The following CHMP4B variants were observed in gnomAD, a reference collection of about 807,000 sequenced individuals.
CHMP4B encodes SNF7 homolog associated with Alix 1.
In CHMP4B, 1 loss-of-function variant was observed where a neutral mutation model predicts 25.1. That is an observed-to-expected ratio of 0.04 (90% confidence interval 0.01 to 0.19). The LOEUF is 0.19. Ranked by LOEUF, CHMP4B falls within the 10% of genes least tolerant of loss-of-function variation. The probability of loss-of-function intolerance (pLI) is 1.00; values close to 1 mark genes in which losing one functional copy is unlikely to be tolerated. For synonymous variants in CHMP4B, 101 were observed against 115.6 expected, an observed-to-expected ratio of 0.87 and a Z score of 0.81; for missense variants, 151 against 289.7, an observed-to-expected ratio of 0.52 and a Z score of 3.48.
At chr20:33,843,693 C>T (rs564503993) in intron 1 of CHMP4B, among the ~76,000 whole-genome samples, 2 of 152,274 alleles carry the variant, frequency 1.3e-5, no homozygotes, top group South Asian at 4.1e-4. Context: ...TAATAGTATT[C>T]AAGAAGAATG....
intron 1 of CHMP4B, among the ~76,000 whole-genome samples, chr20:33,818,223 C>T (rs917277975): frequency 2.6e-5 from 4 of 152,196 alleles, no homozygotes; most frequent in African/African-American, 9.7e-5. Flanking sequence ...CTGCCTTCTC[C>T]CCACAAGGGC....
At chr20:33,832,890 C>T (rs983988143) in intron 1 of CHMP4B, among the ~76,000 whole-genome samples, 4 of 151,158 alleles carry the variant, frequency 2.6e-5, no homozygotes, top group Non-Finnish European at 5.9e-5. Flanking sequence ...GCAATCCTCT[C>T]GCCTCAGCCT....
intron 4 of CHMP4B, among the ~76,000 whole-genome samples, 186 bp downstream of exon 4, chr20:33,852,389 C>T (rs1440443332): frequency 6.8e-6 from 1 of 148,090 alleles, no homozygotes; most frequent in Non-Finnish European, 1.5e-5. Flanking sequence ...GCCATGTCAC[C>T]TGGCTTTTTC....
At chr20:33,843,368 C>T (rs558631296) in intron 1 of CHMP4B, among the ~76,000 whole-genome samples, 1 of 152,278 alleles carries the variant, frequency 6.6e-6, no homozygotes, top group South Asian at 2.1e-4. Context: ...CTAAAAGCAA[C>T]CTCTTAAACT....
chr20:33,844,713 C>T (rs1601327353), intron 1 of CHMP4B, among the ~76,000 whole-genome samples: 1 of 151,620 alleles, frequency 6.6e-6, no homozygotes, highest in African/African-American at 2.4e-5. Flanking sequence ...GCTCCTGCTA[C>T]ACTCGGGATG....
chr20:33,836,725 C>G (rs1979402655), intron 1 of CHMP4B, among the ~76,000 whole-genome samples: 2 of 152,158 alleles, frequency 1.3e-5, no homozygotes, highest in Non-Finnish European at 2.9e-5. Flanking sequence ...ACTCTCAGCT[C>G]TATCTCATTA....
intron 2 of CHMP4B, among the ~76,000 whole-genome samples, chr20:33,850,118 A>G (rs964930817): frequency 6.6e-6 from 1 of 152,156 alleles, no homozygotes; most frequent in African/African-American, 2.4e-5. Flanking sequence ...CTTAATTTAC[A>G]TATTGTCTGT....
rs201956567 is a variant in CHMP4B at position 33,851,073 on chromosome 20, A to G, written c.483+7A>G. 2.6e-5 allele frequency: 39 copies of G among 1,514,286 alleles called. No individual in the cohort carries two copies. The highest frequency in any genetic ancestry group is 6.8e-5 in the East Asian group (3 of 44,418). The allele number at this position is 1,514,286 out of a possible 1,614,324, so 93.8% of individuals were successfully genotyped here. ...TGGAGAAGAGTTTGACGAGGTGAGT[A>G]GTTTTGTACAGATCCCATAAGCTTC... is the stretch of plus-strand genomic sequence containing the variant. On this transcript the variant is annotated splice_region_variant and intron_variant, in intron 3 of 4. Coordinates refer to ENST00000217402, the MANE Select transcript of CHMP4B (RefSeq NM_176812.5).
At chr20:33,830,336 A>AT (rs1413334735) in intron 1 of CHMP4B, among the ~76,000 whole-genome samples, 59 of 152,286 alleles carry the variant, frequency 3.9e-4, no homozygotes, top group Admixed American at 1.2e-3. Flanking sequence ...AGGCTGAAAG[A>AT]TTTTGAATGG....
chr20:33,831,313 T>G (rs557978903), intron 1 of CHMP4B, among the ~76,000 whole-genome samples: 182 of 152,260 alleles, frequency 1.2e-3, no homozygotes, highest in African/African-American at 4.1e-3. Flanking sequence ...CTCGAACTCC[T>G]GACCTCAAGT....
chr20:33,822,800 T>C (rs527643613), intron 1 of CHMP4B, among the ~76,000 whole-genome samples: 36 of 152,162 alleles, frequency 2.4e-4, no homozygotes, highest in East Asian at 5.8e-4. Context: ...TTCTTTCTTT[T>C]TTTATTTTTT....
chr20:33,850,901 C>G, intron 2 of CHMP4B, 51 bp from the exon 3 acceptor site: 1 of 1,368,778 alleles, frequency 7.3e-7, no homozygotes, highest in Non-Finnish European at 1.0e-6. Context: ...TTGCAGGCCC[C>G]CTTTACGCAG....
chr20:33,813,327 A>C (rs1168267677), intron 1 of CHMP4B, among the ~76,000 whole-genome samples: 2 of 152,054 alleles, frequency 1.3e-5, no homozygotes, highest in Non-Finnish European at 2.9e-5. Flanking sequence ...GTTGGTGAAG[A>C]GTTTGAATTT....
At chr20:33,818,749 C>T (rs1041568725) in intron 1 of CHMP4B, among the ~76,000 whole-genome samples, 1 of 152,130 alleles carries the variant, frequency 6.6e-6, no homozygotes, top group Non-Finnish European at 1.5e-5. Context: ...GGTCTGATCC[C>T]GCTTCTACAT....
intron 1 of CHMP4B, among the ~76,000 whole-genome samples, chr20:33,813,809 T>C (rs985933111): frequency 6.6e-6 from 1 of 152,168 alleles, no homozygotes; most frequent in Non-Finnish European, 1.5e-5. Flanking sequence ...CTCAGCTCAC[T>C]GCAACCTCTG....
At chr20:33,817,310 C>T (rs572441916) in intron 1 of CHMP4B, among the ~76,000 whole-genome samples, 50 of 152,362 alleles carry the variant, frequency 3.3e-4, no homozygotes, top group African/African-American at 1.2e-3. Flanking sequence ...GCTATCCAAA[C>T]ACACTGGTTC....
chr20:33,841,085 A>C (rs536383839), intron 1 of CHMP4B, among the ~76,000 whole-genome samples: 1 of 152,070 alleles, frequency 6.6e-6, no homozygotes, highest in South Asian at 2.1e-4. Context: ...GGAGCGTTTG[A>C]TATTCTGTTA....
Position 33,824,498 on chromosome 20 carries a change from C to T in CHMP4B, c.190+12840C>T, listed in dbSNP as rs1020633484. Among the ~76,000 whole-genome samples, 7 of 152,210 alleles carry T rather than the reference C, an allele frequency of 4.6e-5. No individual in the cohort carries two copies. In the East Asian group the frequency reaches 5.8e-4, roughly 13 times the overall value. The stretch of plus-strand genomic sequence containing the variant: ...CACAGTGGGACTAGTGCCAAGGAGA[C>T]GACCAAGAGGAGACTGTTATTACAT... On this transcript the variant is annotated intron_variant, in intron 1 of 4. Transcript: ENST00000217402.
chr20:33,850,315 G>A (rs1467303481), intron 2 of CHMP4B, among the ~76,000 whole-genome samples: 1 of 152,210 alleles, frequency 6.6e-6, no homozygotes, highest in Non-Finnish European at 1.5e-5. Context: ...ATGTTCATTG[G>A]ACCGAGCTGC....
Sources: gnomAD v4.1 joint callset for allele counts (sites outside exome capture counted in the v4.1 genomes callset) on GRCh38, gnomAD v4.1.1 for gene constraint, MANE v1.5 for transcripts, NCBI Gene and HGNC (gene_info 2026-07-23, HGNC 2026-07-21) for gene names.